The following FRYL variants were observed in gnomAD, a reference collection of about 807,000 sequenced individuals.
FRYL encodes FRY like transcription coactivator.
FRYL carries 150 observed loss-of-function variants against 351.2 expected under a neutral mutation model. That is an observed-to-expected ratio of 0.43 (90% CI 0.37 to 0.49). The LOEUF (loss-of-function observed/expected upper bound fraction) is 0.49, where lower values mean the gene tolerates loss of function less well. FRYL is among the 20% of genes least tolerant of loss of function. The pLI is 0.00. For synonymous variants in FRYL, 1,153 were observed against 1,257.1 expected, an observed-to-expected ratio of 0.92 and a Z score of 1.75; for missense variants, 3,036 against 3,619.3, an observed-to-expected ratio of 0.84 and a Z score of 4.13.
At chr4:48,758,836 G>A (rs1011062913) in intron 1 of FRYL, among the ~76,000 whole-genome samples, 8 of 152,292 alleles carry the variant, frequency 5.3e-5, no homozygotes, top group Admixed American at 2.0e-4. Context: ...CAACCCAAAT[G>A]TCCATCAATG....
At chr4:48,552,254 T>TGA (rs1350827225) in intron 36 of FRYL, among the ~76,000 whole-genome samples, 1 of 125,730 alleles carries the variant, frequency 8.0e-6, no homozygotes, top group Non-Finnish European at 1.9e-5. Flanking sequence ...GGTGTGTGTG[T>TGA]GTGTGTGTGT....
chr4:48,693,328 C>T (rs1396719056), intron 2 of FRYL, among the ~76,000 whole-genome samples: 2 of 152,112 alleles, frequency 1.3e-5, no homozygotes, highest in African/African-American at 2.4e-5. Context: ...AAGTCCTTGT[C>T]TCTTACAAAT....
intron 1 of FRYL, among the ~76,000 whole-genome samples, chr4:48,754,560 C>T (rs1287096294): frequency 6.6e-6 from 1 of 152,148 alleles, no homozygotes; most frequent in African/African-American, 2.4e-5. Context: ...AGCCACCCAA[C>T]TGTCTTCCAC....
intron 21 of FRYL, 27 bp downstream of exon 21, chr4:48,581,393 T>C (rs375340286): frequency 1.3e-6 from 2 of 1,578,264 alleles, no homozygotes; most frequent in Middle Eastern, 1.8e-4. Context: ...TTTCAATAGA[T>C]AACTGAATGA....
At chr4:48,541,815 A>G (rs985814451) in intron 45 of FRYL, among the ~76,000 whole-genome samples, 2 of 152,180 alleles carry the variant, frequency 1.3e-5, no homozygotes, top group African/African-American at 4.8e-5. Context: ...AAGATCTCTA[A>G]CCAGCACATT....
intron 2 of FRYL, among the ~76,000 whole-genome samples, chr4:48,705,036 G>T (rs1040716257): frequency 6.6e-6 from 1 of 151,580 alleles, no homozygotes; most frequent in African/African-American, 2.4e-5. Flanking sequence ...CACAAGAATT[G>T]CTTGAACCCA....
At chr4:48,585,025 T>A (rs1394786892) in intron 19 of FRYL, among the ~76,000 whole-genome samples, 1 of 152,136 alleles carries the variant, frequency 6.6e-6, no homozygotes, top group Non-Finnish European at 1.5e-5. Flanking sequence ...GGCTTTCCCA[T>A]CCCTGGCCCT....
In FRYL at chr4:48,777,710, A is replaced by G. The variant is rs542277762; in HGVS notation, c.-384+2368T>C. Among the ~76,000 whole-genome samples the G allele has an allele frequency of 2.0e-4, 31 of 152,352 alleles. No homozygotes were observed. In the South Asian group the frequency reaches 6.4e-3, roughly 32 times the overall value. The stretch of plus-strand genomic sequence containing the variant: ...AGTTGAGAAATTCTTTTATTGTTTA[A>G]ATAAATTGGTAAGTAAACAAAGACA... On this transcript the variant is annotated intron_variant, in intron 1 of 63. Coordinates refer to ENST00000358350, the MANE Select transcript of FRYL (RefSeq NM_015030.2).
chr4:48,543,219 T>C (rs1351957980), intron 44 of FRYL, among the ~76,000 whole-genome samples: 1 of 152,210 alleles, frequency 6.6e-6, no homozygotes, highest in African/African-American at 2.4e-5. Flanking sequence ...CTCAGATGGA[T>C]TATCATATGT....
intron 1 of FRYL, among the ~76,000 whole-genome samples, chr4:48,722,193 G>A (rs960866687): frequency 6.6e-6 from 1 of 152,096 alleles, no homozygotes; most frequent in African/African-American, 2.4e-5. Flanking sequence ...AGTGCCTGAG[G>A]ACTTTACTAC....
intron 1 of FRYL, among the ~76,000 whole-genome samples, chr4:48,773,889 C>A (rs1775759078): frequency 6.6e-6 from 1 of 152,150 alleles, no homozygotes; most frequent in African/African-American, 2.4e-5. Flanking sequence ...TGCACCACTG[C>A]ACTCCAGCCT....
Position 48,603,285 on chromosome 4 carries a change from A to G in FRYL, c.933+5T>C. 5 of 1,555,894 alleles carry G rather than the reference A, an allele frequency of 3.2e-6. No homozygotes were observed. Among genetic ancestry groups the G allele is most frequent in the Non-Finnish European group, 4.4e-6 (5 of 1,134,794 alleles). ...TATGAAAAGGTTTGAAATGTTTCTT[A>G]ATACCAATGAATGCTTCTTTCTCGA... On this transcript the variant is annotated splice_donor_5th_base_variant and intron_variant, in intron 12 of 63. Coordinates refer to ENST00000358350, the MANE Select transcript of FRYL (RefSeq NM_015030.2).
chr4:48,646,642 G>C (rs972369554), intron 3 of FRYL, among the ~76,000 whole-genome samples: 9 of 152,192 alleles, frequency 5.9e-5, no homozygotes, highest in Non-Finnish European at 1.2e-4. Context: ...AGTTTGACCA[G>C]TAGTGGAATA....
Position 48,534,579 on chromosome 4 carries a change from A to G in FRYL, c.6671T>C (p.Leu2224Pro), listed in dbSNP as rs1577986273. 1 of 1,612,966 alleles carries G rather than the reference A, an allele frequency of 6.2e-7. No homozygotes were observed. Among genetic ancestry groups the G allele is most frequent in the Non-Finnish European group, 8.5e-7 (1 of 1,179,244 alleles). ...TTTGCCAATAATCTTTATGATCTCC[A>G]GATTAAACTGCTTGGCTGGGGCTGC... ...LSAAPAKQFN[L>P]EIIKIIGKYV... The change falls in exon 49 of 64, where the codon CTG becomes CCG. Residue 2224 changes from leucine to proline, a missense_variant. Leu to Pro is a moderately conservative substitution (Grantham distance 98, BLOSUM62 -3). Around this residue, in one of 7 missense-constraint regions of FRYL, gnomAD observed 1,987 missense variants for 2,311.7 expected, o/e 0.86. Transcript: ENST00000358350.
At chr4:48,778,750 G>A (rs1297072236) in intron 1 of FRYL, among the ~76,000 whole-genome samples, 1 of 152,132 alleles carries the variant, frequency 6.6e-6, no homozygotes, top group Non-Finnish European at 1.5e-5. Flanking sequence ...AAATTCAGTA[G>A]CAGAATCAAC....
In FRYL at chr4:48,664,120, G is replaced by A. The variant is rs560577062; in HGVS notation, c.-81+20553C>T. The stretch of plus-strand genomic sequence containing the variant: ...GGAACTCTGGCTGACCACGGTTAAA[G>A]TGCCAGAGTCCTATCCACTGGGCTC... On this transcript the variant is annotated intron_variant, in intron 3 of 63. Coordinates refer to ENST00000358350, the MANE Select transcript of FRYL (RefSeq NM_015030.2). Among the ~76,000 whole-genome samples, 29 of 152,246 alleles carry A rather than the reference G, an allele frequency of 1.9e-4. No individual in the cohort carries two copies. In the South Asian group the frequency reaches 6.0e-3, roughly 32 times the overall value.
intron 3 of FRYL, among the ~76,000 whole-genome samples, chr4:48,651,986 T>C (rs1282852370): frequency 1.3e-5 from 2 of 152,254 alleles, no homozygotes; most frequent in Non-Finnish European, 2.9e-5. Flanking sequence ...ATGTGTACTA[T>C]GAATGCCCAA....
At position 48,565,587 on chromosome 4, in the gene FRYL, C is replaced by T. The variant is rs1343542387; in HGVS notation, c.3274G>A (p.Asp1092Asn). The T allele has an allele frequency of 6.2e-7, 1 of 1,613,764 alleles. No homozygotes were observed. The highest frequency in any genetic ancestry group is 8.5e-7 in the Non-Finnish European group (1 of 1,179,886). Residue 1092 changes from aspartate to asparagine, a missense_variant, in exon 29 of 64, where the codon GAC (aspartate) becomes AAC (asparagine). Transcript: ENST00000358350. ...TGCATATTTCTATCACTGTATCTGT[C>T]CAAGGGCGTAAACATGATGCTAAAA... ...GPFSIMFTPLDRYSDRNMQIN... is the reference protein window; with the variant it reads ...GPFSIMFTPLNRYSDRNMQIN...
At position 48,537,892 on chromosome 4, in the gene FRYL, T is replaced by C. The variant is rs1409015517; in HGVS notation, c.6394-2065A>G. Among the ~76,000 whole-genome samples the C allele has an allele frequency of 2.6e-5, 4 of 152,190 alleles. No individual in the cohort carries two copies. The East Asian group carries it at 7.7e-4, about 29-fold the overall frequency. On this transcript the variant is annotated intron_variant, in intron 47 of 63. Coordinates refer to ENST00000358350, the MANE Select transcript of FRYL (RefSeq NM_015030.2). ...TCTTAAATACTTCTACTTCCCTTTT[T>C]AGGGGATTTATGCCTTTTATTTTCT...
Sources: gnomAD v4.1 joint callset for allele counts (sites outside exome capture counted in the v4.1 genomes callset) on GRCh38, gnomAD v4.1.1 for gene constraint, gnomAD v4.1.1 regional missense constraint, MANE v1.5 for transcripts, NCBI Gene and HGNC (gene_info 2026-07-23, HGNC 2026-07-21) for gene names.